Variants in TFAP2D observed in about 807,000 individuals in gnomAD.
TFAP2D encodes the protein transcription factor AP-2-delta.
Under a neutral mutation model 43.6 loss-of-function variants are expected in TFAP2D, and 9 were observed. That is an observed-to-expected ratio of 0.21 (90% CI 0.12 to 0.36). The LOEUF is 0.36. Ranked by LOEUF, TFAP2D falls within the 10% of genes least tolerant of loss-of-function variation. The pLI is 1.00. For missense variants in TFAP2D, 513 were observed against 561.4 expected (o/e 0.91, Z 0.87); for synonymous variants, 256 against 224.9 (o/e 1.14, Z -1.24).
intron 6 of TFAP2D, among the ~76,000 whole-genome samples, chr6:50,749,448 A>C (rs1275719497): frequency 6.6e-6 from 1 of 151,854 alleles, no homozygotes; most frequent in Non-Finnish European, 1.5e-5. Context: ...AAACTAAAAG[A>C]CTGCTAAAAA....
chr6:50,725,777 C>T lies in TFAP2D; in HGVS notation c.599-3079C>T, dbSNP rs150834036. ...AAACCCTGGTGATATTGACCTACTACTTTTTTCCACCTCTCTAAAGAATAA... is the reference window on the plus strand; with the variant it reads ...AAACCCTGGTGATATTGACCTACTATTTTTTTCCACCTCTCTAAAGAATAA... On this transcript the variant is annotated intron_variant, in intron 3 of 7. Transcript: ENST00000008391. Among the ~76,000 whole-genome samples, 506 of 152,254 alleles carry T rather than the reference C, an allele frequency of 3.3e-3. 3 individuals are homozygous for T. The highest frequency in any genetic ancestry group is 0.011 in the African/African-American group (468 of 41,544).
At chr6:50,764,277 A>G (rs1484112544) in intron 7 of TFAP2D, among the ~76,000 whole-genome samples, 1 of 152,128 alleles carries the variant, frequency 6.6e-6, no homozygotes, top group Non-Finnish European at 1.5e-5. Flanking sequence ...TTATTATACT[A>G]TTGCCAGCTT....
intron 3 of TFAP2D, among the ~76,000 whole-genome samples, chr6:50,727,811 G>T (rs891761584): frequency 2.0e-5 from 3 of 152,150 alleles, no homozygotes; most frequent in African/African-American, 7.2e-5. Context: ...TGCATTAGGC[G>T]GTTTTGGATC....
intron 5 of TFAP2D, among the ~76,000 whole-genome samples, chr6:50,736,649 G>A (rs1768966782): frequency 2.6e-5 from 4 of 152,052 alleles, no homozygotes. Context: ...ATTCATTTCT[G>A]TGTGGTGGGG....
At chr6:50,759,653 A>C (rs1398680182) in intron 7 of TFAP2D, among the ~76,000 whole-genome samples, 1 of 152,050 alleles carries the variant, frequency 6.6e-6, no homozygotes, top group Non-Finnish European at 1.5e-5. Flanking sequence ...AAAAATCTCC[A>C]TTCTCATATG....
chr6:50,715,252 A>G lies in TFAP2D; in HGVS notation c.176A>G (p.Tyr59Cys). ...STTGTEFASPYFSTNHQYTPL... is the reference protein window; with the variant it reads ...STTGTEFASPCFSTNHQYTPL... ...ACCGGCACCGAGTTTGCGTCCCCCT[A>G]CTTCTCCACTAACCACCAGTACACC... The change falls in exon 2 of 8, where the codon TAC (tyrosine) becomes TGC (cysteine). Residue 59 changes from tyrosine to cysteine, a missense_variant. Transcript: ENST00000008391. 2 of 1,612,524 alleles carry G rather than the reference A, an allele frequency of 1.2e-6. No individual in the cohort carries two copies. Among genetic ancestry groups the G allele is most frequent in the East Asian group, 2.2e-5 (1 of 44,782 alleles).
chr6:50,755,027 T>G (rs894121169), intron 7 of TFAP2D, among the ~76,000 whole-genome samples: 1 of 152,032 alleles, frequency 6.6e-6, no homozygotes, highest in Non-Finnish European at 1.5e-5. Context: ...CCAGGAAATC[T>G]TTGTTAAATA....
In TFAP2D at chr6:50,745,348, A is replaced by G. The variant is rs1769111010; in HGVS notation, c.1025+100A>G. 3.3e-6 allele frequency: 5 copies of G among 1,515,922 alleles called. No homozygotes were observed. The African/African-American group carries it at 4.3e-5, about 13-fold the overall frequency. The allele number at this position is 1,515,922 out of a possible 1,614,324, so 93.9% of individuals were successfully genotyped here. On this transcript the variant is annotated intron_variant, in intron 6 of 7. Coordinates refer to ENST00000008391, the MANE Select transcript of TFAP2D (RefSeq NM_172238.4). Reference sequence around the variant, plus strand: ...ACAGTCTAGAAGGCACCCGTTCTCTAAAACAAGGAAGGTCTCACACACAAG... The same window carrying G: ...ACAGTCTAGAAGGCACCCGTTCTCTGAAACAAGGAAGGTCTCACACACAAG...
At chr6:50,757,260 C>T (rs1348574591) in intron 7 of TFAP2D, among the ~76,000 whole-genome samples, 1 of 144,570 alleles carries the variant, frequency 6.9e-6, no homozygotes. Context: ...TATAATTATT[C>T]TATATATACA....
chr6:50,715,674 C>T lies in TFAP2D; in HGVS notation c.537+61C>T, dbSNP rs565139485. ...CCCTCTTCGCCCTCCCCCTGCCGCC[C>T]CATTAATGCTCCGACTGTAAAGCGT... On this transcript the variant is annotated intron_variant, in intron 2 of 7. Coordinates refer to ENST00000008391, the MANE Select transcript of TFAP2D (RefSeq NM_172238.4). 16 of 1,518,908 alleles carry T rather than the reference C, an allele frequency of 1.1e-5. No homozygotes were observed. The African/African-American group carries it at 1.2e-4, about 12-fold the overall frequency. 94.1% of individuals were successfully genotyped at this position (1,518,908 alleles called of 1,614,324 possible).
At position 50,726,673 on chromosome 6, in the gene TFAP2D, A is replaced by T. The variant is rs1188289786; in HGVS notation, c.599-2183A>T. The stretch of plus-strand genomic sequence containing the variant: ...ATCAAAATTCTCACAGTATGACTCT[A>T]CACCACAGATTCATTAATACCTACC... On this transcript the variant is annotated intron_variant, in intron 3 of 7. Transcript: ENST00000008391. Among the ~76,000 whole-genome samples, 4 of 152,218 alleles carry T rather than the reference A, an allele frequency of 2.6e-5. No homozygotes were observed. The East Asian group carries it at 7.7e-4, about 29-fold the overall frequency.
intron 6 of TFAP2D, among the ~76,000 whole-genome samples, chr6:50,748,691 G>GTTTT (rs1769158914): frequency 6.6e-6 from 1 of 151,874 alleles, no homozygotes; most frequent in African/African-American, 2.4e-5. Flanking sequence ...CAGACAAAAC[G>GTTTT]TGTTTATTTG....
chr6:50,725,882 A>C (rs1768801219), intron 3 of TFAP2D, among the ~76,000 whole-genome samples: 1 of 152,166 alleles, frequency 6.6e-6, no homozygotes, highest in Non-Finnish European at 1.5e-5. Context: ...AGGACTAGAG[A>C]GTTCCCCAAG....
chr6:50,723,277 C>A (rs780820368), intron 3 of TFAP2D, among the ~76,000 whole-genome samples: 2 of 152,224 alleles, frequency 1.3e-5, no homozygotes, highest in Non-Finnish European at 2.9e-5. Context: ...TTCCCTTTAG[C>A]CGGCCTCAAG....
At chr6:50,721,449 G>T (rs1768723763) in intron 3 of TFAP2D, among the ~76,000 whole-genome samples, 1 of 152,172 alleles carries the variant, frequency 6.6e-6, no homozygotes, top group Admixed American at 6.5e-5. Flanking sequence ...CAATGTTCAT[G>T]TCAATTTACA....
chr6:50,734,103 A>G (rs1768931128), intron 5 of TFAP2D, among the ~76,000 whole-genome samples: 1 of 151,776 alleles, frequency 6.6e-6, no homozygotes, highest in Non-Finnish European at 1.5e-5. Flanking sequence ...TATGATCTCC[A>G]TCAATCTTTC....
At chr6:50,739,557 G>A (rs1293494187) in intron 5 of TFAP2D, among the ~76,000 whole-genome samples, 1 of 152,106 alleles carries the variant, frequency 6.6e-6, no homozygotes, top group African/African-American at 2.4e-5. Context: ...GGAGTAGCAA[G>A]GGTTGAGAAA....
intron 2 of TFAP2D, 58 bp from the exon 3 acceptor site, chr6:50,719,032 C>G (rs982382619): frequency 1.3e-6 from 2 of 1,527,986 alleles, no homozygotes; most frequent in African/African-American, 2.7e-5. Flanking sequence ...ACTTTACCTA[C>G]GTGGTCATGC....
At chr6:50,732,213 G>A (rs1406850059) in intron 5 of TFAP2D, among the ~76,000 whole-genome samples, 1 of 152,032 alleles carries the variant, frequency 6.6e-6, no homozygotes, top group Non-Finnish European at 1.5e-5. Context: ...CTATGGTCTT[G>A]TGGGAAAGAA....
Sources: allele counts gnomAD v4.1 joint callset (sites outside exome capture counted in the v4.1 genomes callset), GRCh38; gene constraint gnomAD v4.1.1; transcripts MANE v1.5; gene names NCBI Gene and HGNC (gene_info 2026-07-23, HGNC 2026-07-21).